Variants in FLRT2 observed in about 807,000 individuals in gnomAD.
The protein encoded by FLRT2 is fibronectin leucine rich transmembrane protein 2, also known as leucine-rich repeat transmembrane protein FLRT2.
FLRT2 carries 15 observed loss-of-function variants against 40.0 expected under a neutral mutation model. The ratio of observed to expected loss-of-function variants is 0.38; its 90% CI spans 0.25 to 0.58. The LOEUF (loss-of-function observed/expected upper bound fraction) is 0.58. FLRT2 is among the 20% of genes least tolerant of loss of function. The pLI, the probability that FLRT2 is intolerant of heterozygous loss-of-function variation, is 0.71. For synonymous variants in FLRT2, 380 were observed against 336.8 expected, an observed-to-expected ratio of 1.13 and a Z score of -1.41; for missense variants, 726 against 840.0, an observed-to-expected ratio of 0.86 and a Z score of 1.68.
chr14:85,553,575 G>A (rs1162993688), intron 1 of FLRT2, among the ~76,000 whole-genome samples: 1 of 152,144 alleles, frequency 6.6e-6, no homozygotes, highest in Non-Finnish European at 1.5e-5. Flanking sequence ...TATTTCTTTT[G>A]TTGAATCCTG....
intron 1 of FLRT2, among the ~76,000 whole-genome samples, chr14:85,579,726 A>T (rs1473634286): frequency 2.6e-5 from 4 of 152,080 alleles, no homozygotes; most frequent in Admixed American, 1.3e-4. Flanking sequence ...AATAATTTGA[A>T]TTCTTTGTCA....
intron 1 of FLRT2, among the ~76,000 whole-genome samples, chr14:85,551,427 C>T (rs1052146940): frequency 6.6e-6 from 1 of 152,174 alleles, no homozygotes; most frequent in African/African-American, 2.4e-5. Context: ...CTTCTAGTAT[C>T]TCCTTTTCTG....
intron 1 of FLRT2, among the ~76,000 whole-genome samples, chr14:85,591,216 T>C (rs1595061958): frequency 6.6e-6 from 1 of 152,304 alleles, no homozygotes; most frequent in Non-Finnish European, 1.5e-5. Flanking sequence ...GATGAATTAG[T>C]TCATTTATCA....
chr14:85,559,746 A>G (rs529083240), intron 1 of FLRT2, among the ~76,000 whole-genome samples: 27 of 152,176 alleles, frequency 1.8e-4, no homozygotes, highest in Middle Eastern at 3.4e-3. Context: ...TTTCCCTCCA[A>G]TGATGTTCTG....
rs1894154372 is a variant in FLRT2, at chr14:85,641,735, G to T, written c.*18238G>T. On this transcript the variant is annotated 3_prime_UTR_variant, in exon 2 of 2. Transcript: ENST00000330753. Reference sequence around the variant, plus strand: ...GGATTAAGTATTTGATAATAAAACTGATTGTGGGTCTACTTACCTAAGGGT... The same window carrying T: ...GGATTAAGTATTTGATAATAAAACTTATTGTGGGTCTACTTACCTAAGGGT... 6.6e-6 allele frequency: 1 copy of T among 152,178 alleles called. No individual in the cohort carries two copies. The highest frequency in any genetic ancestry group is 2.4e-5 in the African/African-American group (1 of 41,444). The allele number at this position is 152,178 out of a possible 1,614,324, so 9.4% of individuals were successfully genotyped here. A position where few individuals can be genotyped will look rare whatever the true frequency, so the allele number is the denominator to read the frequency against.
chr14:85,636,553 A>C lies in FLRT2; in HGVS notation c.*13056A>C, dbSNP rs2139392212. 6.6e-6 allele frequency: 1 copy of C among 152,280 alleles called. No individual in the cohort carries two copies. The highest frequency in any genetic ancestry group is 6.5e-5 in the Admixed American group (1 of 15,292). The allele number at this position is 152,280 out of a possible 1,614,324, so 9.4% of individuals were successfully genotyped here. ...TAAAGGAAATCTGTTTTAAAAAGCCAGTATAAACTGAAAAGTAAGCAACAA... is the reference window on the plus strand; with the variant it reads ...TAAAGGAAATCTGTTTTAAAAAGCCCGTATAAACTGAAAAGTAAGCAACAA... On this transcript the variant is annotated 3_prime_UTR_variant, in exon 2 of 2. Coordinates refer to ENST00000330753, the MANE Select transcript of FLRT2 (RefSeq NM_013231.6).
chr14:85,566,894 G>C (rs1185311710), intron 1 of FLRT2, among the ~76,000 whole-genome samples: 1 of 152,010 alleles, frequency 6.6e-6, no homozygotes, highest in Non-Finnish European at 1.5e-5. Flanking sequence ...TTCCGTTTCT[G>C]CCAGATGAAG....
chr14:85,572,510 C>T (rs973398448), intron 1 of FLRT2, among the ~76,000 whole-genome samples: 5 of 152,180 alleles, frequency 3.3e-5, no homozygotes, highest in Non-Finnish European at 7.3e-5. Context: ...ATTCACGTCC[C>T]GTATTCATGG....
At chr14:85,576,416 C>G (rs1891129503) in intron 1 of FLRT2, among the ~76,000 whole-genome samples, 1 of 152,142 alleles carries the variant, frequency 6.6e-6, no homozygotes, top group South Asian at 2.1e-4. Context: ...TGTCTCCAAA[C>G]AGTAGACAGA....
At chr14:85,558,562 AAGG>A (rs1317048783) in intron 1 of FLRT2, among the ~76,000 whole-genome samples, 1 of 152,198 alleles carries the variant, frequency 6.6e-6, no homozygotes, top group African/African-American at 2.4e-5. Flanking sequence ...TGCAGTTTCA[AAGG>A]AGGAGTCTCT....
In FLRT2 at chr14:85,648,294, C is replaced by G. The variant is rs1894356016; in HGVS notation, c.*24797C>G. The G allele has an allele frequency of 6.6e-6, 1 of 152,118 alleles. No homozygotes were observed. The highest frequency in any genetic ancestry group is 1.5e-5 in the Non-Finnish European group (1 of 68,024). The allele number at this position is 152,118 out of a possible 1,614,324, so 9.4% of individuals were successfully genotyped here. On this transcript the variant is annotated 3_prime_UTR_variant, in exon 2 of 2. Transcript: ENST00000330753. ...TAGTATTTGACATCTATTTTCACATCCTTCTAGGAGTCATCTTGTACTAAA... is the reference window on the plus strand; with the variant it reads ...TAGTATTTGACATCTATTTTCACATGCTTCTAGGAGTCATCTTGTACTAAA...
intron 1 of FLRT2, among the ~76,000 whole-genome samples, chr14:85,546,103 C>T (rs1889266153): frequency 6.6e-6 from 1 of 152,168 alleles, no homozygotes; most frequent in South Asian, 2.1e-4. Context: ...ACAGTATGTG[C>T]TTGCAAATCT....
Position 85,623,827 on chromosome 14 carries a change from T to C in FLRT2, c.*330T>C, listed in dbSNP as rs1020484003. The C allele has an allele frequency of 3.6e-5, 8 of 223,714 alleles. No individual in the cohort carries two copies. The highest frequency in any genetic ancestry group is 7.5e-5 in the Non-Finnish European group (8 of 106,376). The allele number at this position is 223,714 out of a possible 1,614,324, so 13.9% of individuals were successfully genotyped here. A position where few individuals can be genotyped will look rare whatever the true frequency, so the allele number is the denominator to read the frequency against. On this transcript the variant is annotated 3_prime_UTR_variant, in exon 2 of 2. Coordinates refer to ENST00000330753, the MANE Select transcript of FLRT2 (RefSeq NM_013231.6). ...GAGTGATTTTTCCTTAGGATACACA[T>C]CAACCACTTTGCTGTTGAAGCTGTC... is the stretch of plus-strand genomic sequence containing the variant.
chr14:85,589,954 T>G (rs1891805773), intron 1 of FLRT2, among the ~76,000 whole-genome samples: 1 of 152,144 alleles, frequency 6.6e-6, no homozygotes, highest in Admixed American at 6.6e-5. Context: ...TCCATTGGTC[T>G]CTGTGTCAGT....
rs928604030 is a variant in FLRT2 at position 85,637,625 on chromosome 14, G to C, written c.*14128G>C. ...AATTTCCCCCAGTCTGCTCTTCCATGAATATCTCAGACAGAGAAGGGTGCC... is the reference window on the plus strand; with the variant it reads ...AATTTCCCCCAGTCTGCTCTTCCATCAATATCTCAGACAGAGAAGGGTGCC... On this transcript the variant is annotated 3_prime_UTR_variant, in exon 2 of 2. Transcript: ENST00000330753. 6.6e-6 allele frequency: 1 copy of C among 152,158 alleles called. No individual in the cohort carries two copies. The highest frequency in any genetic ancestry group is 1.5e-5 in the Non-Finnish European group (1 of 68,048). The allele number at this position is 152,158 out of a possible 1,614,324, so 9.4% of individuals were successfully genotyped here. A position where few individuals can be genotyped will look rare whatever the true frequency, so the allele number is the denominator to read the frequency against.
intron 1 of FLRT2, among the ~76,000 whole-genome samples, chr14:85,558,026 G>A (rs1283792115): frequency 6.6e-6 from 1 of 152,100 alleles, no homozygotes; most frequent in Admixed American, 6.6e-5. Flanking sequence ...AGCATCCATA[G>A]ACTTCCGTAG....
At chr14:85,552,996 T>C (rs186253317) in intron 1 of FLRT2, among the ~76,000 whole-genome samples, 1 of 152,168 alleles carries the variant, frequency 6.6e-6, no homozygotes, top group African/African-American at 2.4e-5. Flanking sequence ...AACTCCTACA[T>C]TGAATTTTAA....
chr14:85,623,866 G>C lies in FLRT2; in HGVS notation c.*369G>C, dbSNP rs1341721055. On this transcript the variant is annotated 3_prime_UTR_variant, in exon 2 of 2. Coordinates refer to ENST00000330753, the MANE Select transcript of FLRT2 (RefSeq NM_013231.6). ...GTTGAAGCTGTCAGAATAAATTCCTGGTGGTCAGATGAAAGGGCAGATTAA... is the reference window on the plus strand; with the variant it reads ...GTTGAAGCTGTCAGAATAAATTCCTCGTGGTCAGATGAAAGGGCAGATTAA... The C allele has an allele frequency of 3.2e-5, 6 of 189,818 alleles. No individual in the cohort carries two copies. Among genetic ancestry groups the C allele is most frequent in the Admixed American group, 6.3e-5 (1 of 15,884 alleles). The allele number at this position is 189,818 out of a possible 1,614,324, so 11.8% of individuals were successfully genotyped here.
chr14:85,584,631 G>C (rs1891536224), intron 1 of FLRT2, among the ~76,000 whole-genome samples: 1 of 152,208 alleles, frequency 6.6e-6, no homozygotes, highest in Non-Finnish European at 1.5e-5. Flanking sequence ...AAACAGGGCA[G>C]GTCCTGCCCG....
Sources: gnomAD v4.1 joint callset for allele counts (sites outside exome capture counted in the v4.1 genomes callset) on GRCh38, gnomAD v4.1.1 for gene constraint, MANE v1.5 for transcripts, NCBI Gene and HGNC (gene_info 2026-07-23, HGNC 2026-07-21) for gene names.